DIP2C: variants seen among roughly 807,000 people sequenced by gnomAD.
DIP2C encodes the protein disco-interacting protein 2 homolog C.
DIP2C carries 33 observed loss-of-function variants against 192.4 expected under a neutral mutation model. The observed-to-expected ratio is 0.17, with a 90% CI of 0.13 to 0.23. The LOEUF (loss-of-function observed/expected upper bound fraction) is 0.23, where lower values mean the gene tolerates loss of function less well. Ranked by LOEUF, DIP2C falls within the 10% of genes least tolerant of loss-of-function variation. DIP2C has a pLI of 1.00. For synonymous variants in DIP2C, 979 were observed against 864.1 expected, an observed-to-expected ratio of 1.13 and a Z score of -2.33; for missense variants, 1,537 against 2,110.1, an observed-to-expected ratio of 0.73 and a Z score of 5.32.
At chr10:618,126 A>T (rs1853596544) in intron 1 of DIP2C, among the ~76,000 whole-genome samples, 1 of 152,244 alleles carries the variant, frequency 6.6e-6, no homozygotes, top group South Asian at 2.1e-4. Flanking sequence ...CTCAAGTGAA[A>T]CAAGTATCTT....
At chr10:660,320 C>T (rs943679475) in intron 1 of DIP2C, among the ~76,000 whole-genome samples, 1 of 151,632 alleles carries the variant, frequency 6.6e-6, no homozygotes, top group South Asian at 2.1e-4. Flanking sequence ...GTCCCTGTTT[C>T]AAGCTCTGTG....
chr10:508,198 C>CA (rs954667174), intron 1 of DIP2C, among the ~76,000 whole-genome samples: 1 of 152,174 alleles, frequency 6.6e-6, no homozygotes, highest in Non-Finnish European at 1.5e-5. Flanking sequence ...ACCCTCATTC[C>CA]AGGCTGAAAA....
chr10:547,441 G>A (rs1848342115), intron 1 of DIP2C, among the ~76,000 whole-genome samples: 1 of 152,172 alleles, frequency 6.6e-6, no homozygotes, highest in South Asian at 2.1e-4. Context: ...ACATCACTGA[G>A]AAGGAAGGAA....
intron 1 of DIP2C, among the ~76,000 whole-genome samples, chr10:489,713 TGCCCGGGGCTTCCTCC>T (rs1470098169): frequency 1.1e-4 from 15 of 130,508 alleles, no homozygotes; most frequent in South Asian, 2.9e-4. Context: ...GCTCTGACGG[TGCCCGGGGCTTCCTCC>T]ACTTCACACT....
At chr10:435,958 C>CAT (rs138299343) in intron 4 of DIP2C, among the ~76,000 whole-genome samples, 8,110 of 151,626 alleles carry the variant, frequency 0.053, 411 homozygotes, top group African/African-American at 0.14. Flanking sequence ...TTTGTAGCCT[C>CAT]ATATATATAT....
At chr10:685,728 G>A (rs1394238183) in intron 1 of DIP2C, among the ~76,000 whole-genome samples, 2 of 152,090 alleles carry the variant, frequency 1.3e-5, no homozygotes, top group Non-Finnish European at 2.9e-5. Flanking sequence ...TTGGGAGGTC[G>A]AGGCGGGCGG....
chr10:603,438 ATGTGCTT>A (rs1852241262), intron 1 of DIP2C, among the ~76,000 whole-genome samples: 1 of 150,702 alleles, frequency 6.6e-6, no homozygotes, highest in African/African-American at 2.4e-5. Flanking sequence ...TCTGTCTCTG[ATGTGCTT>A]GAAGTTTTAA....
At chr10:658,150 A>C (rs1192153868) in intron 1 of DIP2C, among the ~76,000 whole-genome samples, 140 of 83,984 alleles carry the variant, frequency 1.7e-3, no homozygotes, top group Middle Eastern at 0.012. Flanking sequence ...CCTGGACCTG[A>C]CGCTGGACCT....
At chr10:430,838 T>G (rs181442217) in intron 4 of DIP2C, among the ~76,000 whole-genome samples, 13 of 152,222 alleles carry the variant, frequency 8.5e-5, no homozygotes, top group Non-Finnish European at 1.8e-4. Context: ...CAGGAATATT[T>G]CACCACTATA....
At chr10:568,708 G>T (rs962789057) in intron 1 of DIP2C, among the ~76,000 whole-genome samples, 1 of 138,954 alleles carries the variant, frequency 7.2e-6, no homozygotes, top group Non-Finnish European at 1.5e-5. Context: ...GGAGCTTGCA[G>T]TGAGTCGAGA....
intron 1 of DIP2C, among the ~76,000 whole-genome samples, chr10:487,090 A>G (rs576628677): frequency 1.3e-5 from 2 of 152,360 alleles, no homozygotes; most frequent in East Asian, 3.9e-4. Flanking sequence ...GCTTGTGGTG[A>G]GGCAAGAATC....
chr10:365,976 A>G (rs1016331189), intron 19 of DIP2C, among the ~76,000 whole-genome samples: 19 of 152,240 alleles, frequency 1.2e-4, no homozygotes, highest in Non-Finnish European at 2.1e-4. Flanking sequence ...CCCTTCACGC[A>G]CACAAGTGCA....
At chr10:423,696 C>T (rs1488106989) in intron 4 of DIP2C, among the ~76,000 whole-genome samples, 1 of 152,028 alleles carries the variant, frequency 6.6e-6, no homozygotes, top group Non-Finnish European at 1.5e-5. Flanking sequence ...TGTTAGATAA[C>T]CATGCAGCTG....
chr10:628,498 G>T (rs962991648), intron 1 of DIP2C: 1 of 152,380 alleles, frequency 6.6e-6, no homozygotes, highest in Non-Finnish European at 1.5e-5. Context: ...AGAGAGGGTG[G>T]GACAGAGACA....
chr10:397,320 A>C (rs1964064341), intron 10 of DIP2C, among the ~76,000 whole-genome samples: 1 of 152,206 alleles, frequency 6.6e-6, no homozygotes, highest in African/African-American at 2.4e-5. Flanking sequence ...ACCTGAGGTC[A>C]GGAGTTCGAG....
chr10:436,024 C>T (rs962606344), intron 4 of DIP2C, among the ~76,000 whole-genome samples: 8 of 151,976 alleles, frequency 5.3e-5, no homozygotes, highest in Admixed American at 1.3e-4. Flanking sequence ...ACTCAAAATG[C>T]TCATACTATA....
In DIP2C at chr10:674,789, T is replaced by TATATAGAGAGAGAG; in HGVS notation, c.85+14704_85+14705insCTCTCTCTCTATAT. On this transcript the variant is annotated intron_variant, in intron 1 of 36. Coordinates refer to ENST00000280886, the MANE Select transcript of DIP2C (RefSeq NM_014974.3). Reference sequence around the variant, plus strand: ...CATCTCAAATATATATATATATATATAGAGAGAGAGAGAGAGAGAGAGAGA... The same window carrying TATATAGAGAGAGAG: ...CATCTCAAATATATATATATATATATATATAGAGAGAGAGAGAGAGAGAGAGAGAGAGAGAGAGA... Among the ~76,000 whole-genome samples, 36 of 62,474 alleles carry TATATAGAGAGAGAG rather than the reference T, an allele frequency of 5.8e-4. 1 individual carries two copies. Among genetic ancestry groups the TATATAGAGAGAGAG allele is most frequent in the African/African-American group, 8.1e-4 (9 of 11,056 alleles). The allele number at this position is 62,474 out of a possible 152,430, so 41.0% of individuals were successfully genotyped here.
chr10:672,387 C>T (rs1385843672), intron 1 of DIP2C, among the ~76,000 whole-genome samples: 1 of 152,228 alleles, frequency 6.6e-6, no homozygotes, highest in African/African-American at 2.4e-5. Flanking sequence ...ACAGGAACGT[C>T]CCGGCCATGC....
At chr10:532,351 C>T (rs1847420636) in intron 1 of DIP2C, among the ~76,000 whole-genome samples, 1 of 152,208 alleles carries the variant, frequency 6.6e-6, no homozygotes, top group Admixed American at 6.5e-5. Flanking sequence ...TGGACAGACC[C>T]TTCTCAAACC....
Sources: allele counts gnomAD v4.1 joint callset (sites outside exome capture counted in the v4.1 genomes callset), GRCh38; gene constraint gnomAD v4.1.1; transcripts MANE v1.5; gene names NCBI Gene and HGNC (gene_info 2026-07-23, HGNC 2026-07-21).